The following TERF1 variants were observed in gnomAD, a reference collection of about 807,000 sequenced individuals.
The protein encoded by TERF1 is telomeric repeat-binding factor 1.
In TERF1, 20 loss-of-function variants were observed where a neutral mutation model predicts 55.1. The observed-to-expected ratio is 0.36, with a 90% CI of 0.26 to 0.53. The LOEUF is 0.53. Among genes scored for constraint, TERF1 ranks in the 20% least tolerant of loss-of-function variants. The probability of loss-of-function intolerance (pLI) is 0.91; values close to 1 mark genes in which losing one functional copy is unlikely to be tolerated. For missense variants in TERF1, 439 were observed against 535.7 expected, an observed-to-expected ratio of 0.82 and a Z score of 1.78; for synonymous variants, 168 against 181.2, an observed-to-expected ratio of 0.93 and a Z score of 0.59.
chr8:73,031,368 G>T (rs1036043965), intron 7 of TERF1: 1 of 152,284 alleles, frequency 6.6e-6, no homozygotes, highest in African/African-American at 2.4e-5. Flanking sequence ...AGGAGGGACA[G>T]AGGGGAAGAG....
chr8:73,013,596 C>A, intron 1 of TERF1: 2 of 231,888 alleles, frequency 8.6e-6, no homozygotes, highest in Non-Finnish European at 1.7e-5. Flanking sequence ...TATAAGTTTC[C>A]AACCAATGAT....
intron 6 of TERF1, among the ~76,000 whole-genome samples, chr8:73,027,438 G>C (rs893841188): frequency 1.3e-5 from 2 of 152,094 alleles, no homozygotes; most frequent in Non-Finnish European, 2.9e-5. Context: ...TCTTCTCTAA[G>C]CATAAGCTCA....
intron 9 of TERF1, among the ~76,000 whole-genome samples, chr8:73,042,458 G>GT (rs200577708): frequency 6.0e-5 from 9 of 150,864 alleles, no homozygotes; most frequent in African/African-American, 1.5e-4. Context: ...TTGTATTGAG[G>GT]TTTTTAAAAA....
chr8:73,042,521 A>G (rs1563475666), intron 9 of TERF1, among the ~76,000 whole-genome samples: 3 of 151,896 alleles, frequency 2.0e-5, no homozygotes, highest in South Asian at 4.1e-4. Context: ...CTTTTGCTGC[A>G]TTGGTCTGTT....
chr8:73,009,027 C>CCAGGTG lies in TERF1; in HGVS notation c.148_153dup (p.Gln50_Val51dup). The CCAGGTG allele has an allele frequency of 1.2e-6, 2 of 1,610,910 alleles. No homozygotes were observed. Among genetic ancestry groups the CCAGGTG allele is most frequent in the East Asian group, 2.2e-5 (1 of 44,816 alleles). Reference sequence around the variant, plus strand: ...TCGAATGCCAGGAACTGCTCGAGTGCCAGGTGCAGGTGGGGGCCCCCGAGG... The same window carrying CCAGGTG: ...TCGAATGCCAGGAACTGCTCGAGTGCCAGGTGCAGGTGCAGGTGGGGGCCCCCGAGG... On this transcript the variant is annotated inframe_insertion, in exon 1 of 10. Transcript: ENST00000276603.
In TERF1 at chr8:73,037,769, AAT is replaced by A. The variant is rs1472814428; in HGVS notation, c.1040-1338_1040-1337del. ...TATTATATATAATATTATATAGTAT[AAT>A]ATATATATTATATATAATATATAGT... is the stretch of plus-strand genomic sequence containing the variant. On this transcript the variant is annotated intron_variant, in intron 8 of 9. Transcript: ENST00000276603. 1.5e-3 allele frequency among the ~76,000 whole-genome samples: 76 copies of A among 52,212 alleles called. 1 individual carries two copies. In the South Asian group the frequency reaches 0.018, roughly 12 times the overall value. The allele number at this position is 52,212 out of a possible 152,430, so 34.3% of individuals were successfully genotyped here.
intron 9 of TERF1, among the ~76,000 whole-genome samples, chr8:73,040,595 A>T (rs56030129): frequency 3.9e-5 from 6 of 152,038 alleles, no homozygotes; most frequent in Non-Finnish European, 8.8e-5. Flanking sequence ...TTTGTTATTT[A>T]TCCTGCTTGG....
At chr8:73,017,650 G>A (rs796504909) in intron 2 of TERF1, among the ~76,000 whole-genome samples, 83 of 151,646 alleles carry the variant, frequency 5.5e-4, no homozygotes, top group African/African-American at 1.8e-3. Context: ...AAATACACTA[G>A]ACTCTGCTTG....
intron 8 of TERF1, among the ~76,000 whole-genome samples, chr8:73,033,020 TC>T (rs890554542): frequency 8.4e-4 from 58 of 69,220 alleles, no homozygotes; most frequent in Non-Finnish European, 1.5e-3. Context: ...CCCTCCCCCC[TC>T]CCCCCTGAGA....
At chr8:73,021,488 C>A (rs963777193) in intron 3 of TERF1, among the ~76,000 whole-genome samples, 1 of 152,166 alleles carries the variant, frequency 6.6e-6, no homozygotes, top group African/African-American at 2.4e-5. Context: ...TAATACACTA[C>A]TGTAAAATCA....
At chr8:73,026,917 T>A (rs1446013519) in intron 5 of TERF1, 23 bp from the exon 6 acceptor site, 6 of 1,575,172 alleles carry the variant, frequency 3.8e-6, no homozygotes, top group African/African-American at 1.4e-5. Context: ...CCTATCCTTC[T>A]ACCTCCACGC....
rs1810031856 is a variant in TERF1, at chr8:73,046,345, T to C, written c.*208T>C. ...TTAAGAACCTTATTTTGATAAAATG[T>C]AAATTTGTTGAACCCTGCCACATTT... On this transcript the variant is annotated 3_prime_UTR_variant, in exon 10 of 10. Transcript: ENST00000276603. 1 of 355,216 alleles carries C rather than the reference T, an allele frequency of 2.8e-6. No homozygotes were observed. The highest frequency in any genetic ancestry group is 1.2e-4 in the South Asian group (1 of 8,542). 22.0% of individuals were successfully genotyped at this position (355,216 alleles called of 1,614,324 possible).
chr8:73,030,279 A>G (rs1041051143), intron 6 of TERF1, 57 bp from the exon 7 acceptor site: 29 of 1,133,316 alleles, frequency 2.6e-5, no homozygotes, highest in East Asian at 1.3e-4. Context: ...GGAAAGTACT[A>G]TCCTTATGAA....
chr8:73,014,913 G>A (rs966751462), intron 2 of TERF1, among the ~76,000 whole-genome samples: 1 of 152,194 alleles, frequency 6.6e-6, no homozygotes, highest in Non-Finnish European at 1.5e-5. Context: ...AGAGCCATAG[G>A]TAGGCCTGGG....
chr8:73,013,600 C>T, intron 1 of TERF1: 3 of 237,274 alleles, frequency 1.3e-5, no homozygotes, highest in African/African-American at 2.3e-5. Flanking sequence ...AGTTTCCAAC[C>T]AATGATTTTA....
At chr8:73,039,770 GGTGTGTGTGT>G (rs35184446) in intron 9 of TERF1, among the ~76,000 whole-genome samples, 2,780 of 136,434 alleles carry the variant, frequency 0.02, 59 homozygotes, top group African/African-American at 0.062. Context: ...TTGTTTTTGT[GGTGTGTGTGT>G]GTGTGTGTGT....
At chr8:73,043,795 C>T (rs1809927077) in intron 9 of TERF1, among the ~76,000 whole-genome samples, 1 of 152,148 alleles carries the variant, frequency 6.6e-6, no homozygotes, top group Non-Finnish European at 1.5e-5. Context: ...AATACTACAG[C>T]TCAGATAAGA....
At chr8:73,030,150 C>A in intron 6 of TERF1, 186 bp from the exon 7 acceptor site, 1 of 404,108 alleles carries the variant, frequency 2.5e-6, no homozygotes, top group Non-Finnish European at 4.4e-6. Flanking sequence ...TTTAATACCT[C>A]TTATAAGCAT....
intron 8 of TERF1, among the ~76,000 whole-genome samples, chr8:73,032,618 A>G (rs957690995): frequency 1.3e-5 from 2 of 151,894 alleles, no homozygotes; most frequent in African/African-American, 4.9e-5. Context: ...TGTACTCTTA[A>G]TAATGTTCAC....
Sources: allele counts gnomAD v4.1 joint callset (sites outside exome capture counted in the v4.1 genomes callset), GRCh38; gene constraint gnomAD v4.1.1; transcripts MANE v1.5; gene names NCBI Gene and HGNC (gene_info 2026-07-23, HGNC 2026-07-21).